Variants in DIAPH2 observed in about 807,000 individuals in gnomAD.
The protein encoded by DIAPH2 is diaphanous related formin 2.
In DIAPH2, 35 loss-of-function variants were observed where a neutral mutation model predicts 92.7. The ratio of observed to expected loss-of-function variants is 0.38; its 90% CI spans 0.29 to 0.50. The LOEUF (loss-of-function observed/expected upper bound fraction) is 0.50. Among genes scored for constraint, DIAPH2 ranks in the 20% least tolerant of loss-of-function variants. The pLI is 0.94. For synonymous variants in DIAPH2, 301 were observed against 280.4 expected (o/e 1.07, Z -0.73); for missense variants, 701 against 819.5 (o/e 0.86, Z 1.77).
intron 26 of DIAPH2, among the ~76,000 whole-genome samples, chrX:97,577,884 T>C (rs756637633): frequency 4.5e-5 from 5 of 111,917 alleles, no homozygotes; most frequent in Non-Finnish European, 9.4e-5. Flanking sequence ...TCCTTTAGTG[T>C]GAATCTGTTC....
At chrX:96,754,633 T>C (rs774059633) in intron 3 of DIAPH2, among the ~76,000 whole-genome samples, 1 of 110,768 alleles carries the variant, frequency 9.0e-6, no homozygotes, top group Non-Finnish European at 1.9e-5. Context: ...TCAGTTGAAA[T>C]AGATACATAT....
intron 26 of DIAPH2, among the ~76,000 whole-genome samples, chrX:97,458,441 A>T (rs1391363242): frequency 9.2e-6 from 1 of 108,427 alleles, no homozygotes; most frequent in Non-Finnish European, 1.9e-5. Flanking sequence ...CATTTGTCTG[A>T]TTGAGTTTAT....
rs369080664 is a variant in DIAPH2, at chrX:97,362,249, T to TA, written c.3009+13983dup. Among the ~76,000 whole-genome samples the TA allele has an allele frequency of 6.4e-3, 575 of 90,028 alleles. 7 individuals carry two copies. In the East Asian group the frequency reaches 0.086, roughly 13 times the overall value. The allele number at this position is 90,028 out of a possible 115,157, so 78.2% of individuals were successfully genotyped here. On this transcript the variant is annotated intron_variant, in intron 24 of 26. Transcript: ENST00000324765. ...GAGCAAGAGTCTGTCTCAAGAAAAT[T>TA]AAAAAAAAAAAAAAGACTGGCATTG...
At chrX:97,237,543 C>A (rs1390333787) in intron 22 of DIAPH2, among the ~76,000 whole-genome samples, 1 of 109,858 alleles carries the variant, frequency 9.1e-6, no homozygotes, top group African/African-American at 3.3e-5. Context: ...ACAAAACAAC[C>A]AAATGAGTTT....
At chrX:97,328,485 A>C (rs1455817343) in intron 23 of DIAPH2, among the ~76,000 whole-genome samples, 1 of 111,190 alleles carries the variant, frequency 9.0e-6, no homozygotes, top group East Asian at 2.8e-4. Context: ...AGCTCCTTAA[A>C]TTATAAGTCA....
At chrX:97,281,889 T>C (rs1247636334) in intron 23 of DIAPH2, among the ~76,000 whole-genome samples, 2 of 111,867 alleles carry the variant, frequency 1.8e-5, no homozygotes, top group African/African-American at 6.5e-5. Context: ...AATGTAGATA[T>C]TACGTTAATA....
In DIAPH2 at chrX:96,948,790, T is replaced by C. The variant is rs1602654883; in HGVS notation, c.1510-145T>C. On this transcript the variant is annotated intron_variant, in intron 14 of 26. Transcript: ENST00000324765. ...CACCTCCACTTGGATACTTAATTGT[T>C]ATGAAAATAATTACAAGCTGTGATT... 2.5e-5 allele frequency: 8 copies of C among 325,464 alleles called. No homozygotes were observed. The East Asian group carries it at 3.9e-4, about 16-fold the overall frequency. The allele number at this position is 325,464 out of a possible 1,213,427, so 26.8% of individuals were successfully genotyped here. A position where few individuals can be genotyped will look rare whatever the true frequency, so the allele number is the denominator to read the frequency against.
intron 22 of DIAPH2, among the ~76,000 whole-genome samples, chrX:97,233,993 T>C (rs12843432): frequency 0.45 from 49,233 of 109,148 alleles, 9,430 homozygotes; most frequent in Non-Finnish European, 0.6. Flanking sequence ...TGCAAAGAAT[T>C]GTTGTAAGGA....
chrX:97,307,387 AC>A (rs1177182146), intron 23 of DIAPH2, among the ~76,000 whole-genome samples: 1 of 107,111 alleles, frequency 9.3e-6, no homozygotes, highest in Non-Finnish European at 2.0e-5. Flanking sequence ...CTGAATGGAA[AC>A]CCTTTCATTT....
intron 17 of DIAPH2, among the ~76,000 whole-genome samples, chrX:96,978,192 A>T (rs2147837850): frequency 9.0e-6 from 1 of 111,727 alleles, no homozygotes; most frequent in Admixed American, 9.5e-5. Flanking sequence ...AGAGGTTCAA[A>T]TCTGGTAGCT....
chrX:96,749,771 T>A (rs1322175450), intron 3 of DIAPH2, among the ~76,000 whole-genome samples: 1 of 111,407 alleles, frequency 9.0e-6, no homozygotes, highest in African/African-American at 3.3e-5. Context: ...TCTTCTACAT[T>A]ATTAATGTGT....
intron 20 of DIAPH2, among the ~76,000 whole-genome samples, chrX:97,109,194 A>G (rs568808652): frequency 3.1e-4 from 34 of 111,427 alleles, no homozygotes; most frequent in African/African-American, 1.1e-3. Flanking sequence ...CCAGGTGGGC[A>G]GATCGCTTGA....
chrX:96,958,193 G>T, intron 16 of DIAPH2, 45 bp downstream of exon 16: 2 of 1,178,006 alleles, frequency 1.7e-6, no homozygotes, highest in Admixed American at 2.5e-5. Context: ...AGCTTTTGTT[G>T]ATCATTGCTA....
At chrX:97,017,436 T>C (rs897140551) in intron 17 of DIAPH2, among the ~76,000 whole-genome samples, 4 of 111,844 alleles carry the variant, frequency 3.6e-5, no homozygotes, top group African/African-American at 1.3e-4. Context: ...AATTCACATA[T>C]GCATTGAATG....
intron 23 of DIAPH2, among the ~76,000 whole-genome samples, chrX:97,321,899 A>G (rs2068901479): frequency 2.7e-5 from 3 of 111,924 alleles, no homozygotes; most frequent in Non-Finnish European, 5.6e-5. Context: ...TTGCCTTCCA[A>G]TTTTGGCTGA....
At chrX:97,545,208 T>G (rs1427514527) in intron 26 of DIAPH2, among the ~76,000 whole-genome samples, 2 of 111,435 alleles carry the variant, frequency 1.8e-5, no homozygotes, top group East Asian at 5.6e-4. Context: ...GATTTCTTCA[T>G]GAAGACTTTT....
At chrX:97,354,473 A>G (rs961538766) in intron 24 of DIAPH2, among the ~76,000 whole-genome samples, 2 of 111,232 alleles carry the variant, frequency 1.8e-5, no homozygotes, top group South Asian at 7.6e-4. Context: ...CCTGGGTTCA[A>G]GTGATTCTCC....
At chrX:97,448,600 A>T (rs1351219704) in intron 26 of DIAPH2, among the ~76,000 whole-genome samples, 1 of 112,347 alleles carries the variant, frequency 8.9e-6, no homozygotes, top group Admixed American at 9.5e-5. Context: ...CCTCACCTTT[A>T]TGGAAAGAGA....
In DIAPH2 at chrX:96,939,322, A is replaced by G. The variant is rs1427990679; in HGVS notation, c.1265A>G (p.Glu422Gly). 19 of 1,155,231 alleles carry G rather than the reference A, an allele frequency of 1.6e-5. No homozygotes were observed. The highest frequency in any genetic ancestry group is 2.2e-5 in the Non-Finnish European group (19 of 854,389). ...LYNMLKDTAA[E>G]NYFLSILQHF... Reference sequence around the variant, plus strand: ...AATATGCTGAAGGACACTGCTGCTGAAAATTACTTCTTATCTATTCTACAA... The same window carrying G: ...AATATGCTGAAGGACACTGCTGCTGGAAATTACTTCTTATCTATTCTACAA... Residue 422 changes from glutamate (E) to glycine (G), a missense_variant, in exon 12 of 27, where the codon GAA becomes GGA. Glu to Gly is a moderately conservative substitution (Grantham distance 98). Coordinates refer to ENST00000324765, the MANE Select transcript of DIAPH2 (RefSeq NM_006729.5).
Sources: allele counts gnomAD v4.1 joint callset (sites outside exome capture counted in the v4.1 genomes callset), GRCh38; gene constraint gnomAD v4.1.1; transcripts MANE v1.5; gene names NCBI Gene and HGNC (gene_info 2026-07-23, HGNC 2026-07-21).